The following LRRK1 variants were observed in gnomAD, a reference collection of about 807,000 sequenced individuals.
LRRK1 encodes leucine-rich repeat serine/threonine-protein kinase 1.
LRRK1 carries 113 observed loss-of-function variants against 209.1 expected under a neutral mutation model. That is an observed-to-expected ratio of 0.54 (90% CI 0.46 to 0.63). The LOEUF is 0.63. Ranked by LOEUF, LRRK1 falls within the 30% of genes least tolerant of loss-of-function variation. The pLI is 0.00. For missense variants in LRRK1, 2,284 were observed against 2,632.2 expected, an observed-to-expected ratio of 0.87 and a Z score of 2.89; for synonymous variants, 1,144 against 1,099.7, an observed-to-expected ratio of 1.04 and a Z score of -0.80.
intron 20 of LRRK1, among the ~76,000 whole-genome samples, chr15:101,033,646 C>T (rs1287981371): frequency 6.6e-6 from 1 of 151,992 alleles, no homozygotes; most frequent in African/African-American, 2.4e-5. Context: ...GTATATGGAC[C>T]TTTCTTTATC....
chr15:100,952,639 G>A lies in LRRK1; in HGVS notation c.98-21165G>A, dbSNP rs186896854. Among the ~76,000 whole-genome samples the A allele has an allele frequency of 1.7e-3, 257 of 152,032 alleles. 3 individuals are homozygous for A. In the South Asian group the frequency reaches 0.02, roughly 12 times the overall value. ...CTCACAGGACCTGACTCCTGCCCTG[G>A]CCCACTCTTTCCTCTGATGGAGACA... On this transcript the variant is annotated intron_variant, in intron 2 of 33. Transcript: ENST00000388948.
At chr15:101,063,332 C>T (rs1459422696) in intron 31 of LRRK1, among the ~76,000 whole-genome samples, 1 of 152,196 alleles carries the variant, frequency 6.6e-6, no homozygotes, top group Non-Finnish European at 1.5e-5. Context: ...GCACCCTCCC[C>T]ACAAAGCACC....
At chr15:100,971,400 C>A (rs1445177618) in intron 2 of LRRK1, among the ~76,000 whole-genome samples, 1 of 151,792 alleles carries the variant, frequency 6.6e-6, no homozygotes, top group African/African-American at 2.4e-5. Context: ...CAAAGCCTGT[C>A]TTATTCATCC....
intron 17 of LRRK1, among the ~76,000 whole-genome samples, chr15:101,026,840 C>CATTG (rs1359901129): frequency 6.6e-6 from 1 of 152,228 alleles, no homozygotes; most frequent in African/African-American, 2.4e-5. Flanking sequence ...GCCTGGGACA[C>CATTG]ATTGGCCTGG....
At position 101,055,090 on chromosome 15, in the gene LRRK1, A is replaced by C. The variant is rs748220756; in HGVS notation, c.4199A>C (p.Lys1400Thr). ...DNILVWSLDVKEHINIKLSDY... is the reference protein window; with the variant it reads ...DNILVWSLDVTEHINIKLSDY... ...ATTCTGGTGTGGTCCCTTGACGTCA[A>C]GGAGCACATCAACATCAAGCTATCT... The change falls in exon 27 of 34, where the codon AAG becomes ACG. Residue 1400 changes from lysine to threonine, a missense_variant. Around this residue, in one of 6 missense-constraint regions of LRRK1, gnomAD observed 780 missense variants for 985.2 expected, o/e 0.79. Transcript: ENST00000388948. The C allele has an allele frequency of 1.1e-5, 17 of 1,614,178 alleles. No homozygotes were observed. The highest frequency in any genetic ancestry group is 1.4e-5 in the Non-Finnish European group (17 of 1,180,016).
chr15:100,931,145 A>G lies in LRRK1; in HGVS notation c.97+6416A>G, dbSNP rs117055491. Among the ~76,000 whole-genome samples the G allele has an allele frequency of 3.6e-4, 55 of 152,354 alleles. No individual in the cohort carries two copies. The East Asian group carries it at 8.9e-3, about 25-fold the overall frequency. On this transcript the variant is annotated intron_variant, in intron 2 of 33. Transcript: ENST00000388948. ...AGTCCTTCCTGAGCTCATCACCCCC[A>G]TGCTGCACAAAGAAGCACACATTAA...
intron 6 of LRRK1, among the ~76,000 whole-genome samples, chr15:101,001,195 T>C (rs2032667072): frequency 6.6e-6 from 1 of 152,186 alleles, no homozygotes; most frequent in South Asian, 2.1e-4. Flanking sequence ...CAGTTCTCTG[T>C]CACTGAATCC....
rs2036941764 is a variant in LRRK1 at position 101,075,250 on chromosome 15, T to A, written c.*6402T>A. The A allele has an allele frequency of 9.3e-5, 1 of 10,788 alleles. No homozygotes were observed. The highest frequency in any genetic ancestry group is 2.1e-4 in the Non-Finnish European group (1 of 4,726). 0.7% of individuals were successfully genotyped at this position (10,788 alleles called of 1,614,324 possible). A position where few individuals can be genotyped will look rare whatever the true frequency, so the allele number is the denominator to read the frequency against. ...ACTCTGGTGCCAACTTAGACAATAC[T>A]CTTTTAAGCACTCCTTTTAGTTATC... On this transcript the variant is annotated 3_prime_UTR_variant, in exon 34 of 34. Coordinates refer to ENST00000388948, the MANE Select transcript of LRRK1 (RefSeq NM_024652.6).
At chr15:101,038,789 A>G (rs914627924) in intron 20 of LRRK1, among the ~76,000 whole-genome samples, 2 of 152,162 alleles carry the variant, frequency 1.3e-5, no homozygotes, top group South Asian at 2.1e-4. Context: ...CTAGTCAGCC[A>G]TCTTGAAGCC....
intron 7 of LRRK1, among the ~76,000 whole-genome samples, chr15:101,010,205 C>T (rs1295280234): frequency 4.6e-5 from 7 of 152,174 alleles, no homozygotes; most frequent in Non-Finnish European, 7.3e-5. Flanking sequence ...GCGAAGGATT[C>T]GAATCCCTGT....
At chr15:101,026,218 C>A in intron 17 of LRRK1, 81 bp downstream of exon 17, 2 of 1,408,900 alleles carry the variant, frequency 1.4e-6, no homozygotes, top group Non-Finnish European at 2.0e-6. Context: ...TTGCAGAGAG[C>A]TCCTGAGTCT....
At chr15:101,001,562 G>A (rs2054128) in intron 6 of LRRK1, among the ~76,000 whole-genome samples, 19,925 of 152,076 alleles carry the variant, frequency 0.13, 1,437 homozygotes, top group African/African-American at 0.19. Flanking sequence ...TTGTCTTACT[G>A]GCTGGTTCAA....
intron 21 of LRRK1, among the ~76,000 whole-genome samples, chr15:101,046,662 G>GTCTT (rs2035095466): frequency 6.6e-6 from 1 of 152,206 alleles, no homozygotes; most frequent in Non-Finnish European, 1.5e-5. Context: ...TTGAATCAGG[G>GTCTT]TCTTTGAGTG....
At chr15:101,066,949 G>C (rs1161634123) in intron 33 of LRRK1, among the ~76,000 whole-genome samples, 1 of 152,182 alleles carries the variant, frequency 6.6e-6, no homozygotes, top group South Asian at 2.1e-4. Context: ...GCCTGTTTCT[G>C]GAGTACCCAG....
intron 19 of LRRK1, among the ~76,000 whole-genome samples, chr15:101,028,374 G>C (rs563061202): frequency 6.6e-6 from 1 of 152,358 alleles, no homozygotes; most frequent in Non-Finnish European, 1.5e-5. Context: ...CTAACACACA[G>C]GTTTCCTCCA....
At chr15:101,050,412 G>T (rs2141129930) in intron 23 of LRRK1, among the ~76,000 whole-genome samples, 1 of 152,322 alleles carries the variant, frequency 6.6e-6, no homozygotes, top group Admixed American at 6.5e-5. Context: ...AGCCTGCCAG[G>T]GGGAGGCCAT....
intron 12 of LRRK1, among the ~76,000 whole-genome samples, chr15:101,017,723 AT>A (rs1316281679): frequency 6.6e-6 from 1 of 152,096 alleles, no homozygotes; most frequent in East Asian, 1.9e-4. Context: ...CCATGGAAAA[AT>A]TGTCTTCCAC....
intron 2 of LRRK1, among the ~76,000 whole-genome samples, chr15:100,961,392 C>T (rs949891116): frequency 4.3e-4 from 65 of 152,224 alleles, no homozygotes; most frequent in Admixed American, 1.9e-3. Context: ...CGGTGGCTCA[C>T]GCCTGTAATC....
At chr15:100,953,664 G>C (rs1485223958) in intron 2 of LRRK1, among the ~76,000 whole-genome samples, 1 of 152,008 alleles carries the variant, frequency 6.6e-6, no homozygotes, top group African/African-American at 2.4e-5. Context: ...ATATCTCTTC[G>C]AGATACTGAT....
Sources: allele counts gnomAD v4.1 joint callset (sites outside exome capture counted in the v4.1 genomes callset), GRCh38; gene constraint gnomAD v4.1.1; regional missense constraint gnomAD v4.1.1; transcripts MANE v1.5; gene names NCBI Gene and HGNC (gene_info 2026-07-23, HGNC 2026-07-21).